The following HS3ST5 variants were observed in gnomAD, a reference collection of about 807,000 sequenced individuals.
HS3ST5 encodes the protein heparan sulfate glucosamine 3-O-sulfotransferase 5.
Under a neutral mutation model 25.4 loss-of-function variants are expected in HS3ST5, and 10 were observed. The observed-to-expected ratio is 0.39, with a 90% CI of 0.24 to 0.67. The LOEUF (loss-of-function observed/expected upper bound fraction) is 0.67. HS3ST5 is among the 30% of genes least tolerant of loss of function. The pLI is 0.44. For missense variants in HS3ST5, 324 were observed against 420.7 expected, an observed-to-expected ratio of 0.77 and a Z score of 2.01; for synonymous variants, 170 against 162.4, an observed-to-expected ratio of 1.05 and a Z score of -0.36.
chr6:114,118,197 A>G (rs192468019), intron 3 of HS3ST5, among the ~76,000 whole-genome samples: 1 of 152,292 alleles, frequency 6.6e-6, no homozygotes, highest in Admixed American at 6.5e-5. Flanking sequence ...TTGAGGTACC[A>G]TTGAGATTCT....
intron 3 of HS3ST5, among the ~76,000 whole-genome samples, chr6:114,160,930 T>C (rs1177873758): frequency 2.0e-5 from 3 of 152,174 alleles, no homozygotes; most frequent in African/African-American, 2.4e-5. Flanking sequence ...CTGGAATAAA[T>C]TGTAATAACC....
At chr6:114,063,239 G>T (rs1249922430) in intron 3 of HS3ST5, among the ~76,000 whole-genome samples, 5 of 152,136 alleles carry the variant, frequency 3.3e-5, no homozygotes, top group Non-Finnish European at 7.4e-5. Flanking sequence ...ACTTGGCCGG[G>T]TACGGTGGCT....
chr6:114,140,251 G>C (rs1777835514), intron 3 of HS3ST5, among the ~76,000 whole-genome samples: 1 of 152,144 alleles, frequency 6.6e-6, no homozygotes, highest in Non-Finnish European at 1.5e-5. Flanking sequence ...TATTAGACTA[G>C]AATTTCATAA....
chr6:114,272,965 T>C (rs1773697887), intron 1 of HS3ST5, among the ~76,000 whole-genome samples: 1 of 152,064 alleles, frequency 6.6e-6, no homozygotes, highest in African/African-American at 2.4e-5. Context: ...GCCTTGCAAG[T>C]CACAGCCAGG....
intron 1 of HS3ST5, among the ~76,000 whole-genome samples, chr6:114,333,445 C>T (rs1202327982): frequency 1.3e-5 from 2 of 152,092 alleles, no homozygotes; most frequent in Non-Finnish European, 2.9e-5. Flanking sequence ...TGGTAGTATA[C>T]AGTTGGAAGC....
At chr6:114,253,978 T>C (rs1281026728) in intron 1 of HS3ST5, among the ~76,000 whole-genome samples, 2 of 151,734 alleles carry the variant, frequency 1.3e-5, no homozygotes, top group East Asian at 1.9e-4. Context: ...AGGAAGAGAA[T>C]GTGGAGGTGT....
intron 1 of HS3ST5, among the ~76,000 whole-genome samples, chr6:114,327,754 A>G (rs1414159105): frequency 6.6e-6 from 1 of 152,170 alleles, no homozygotes; most frequent in Non-Finnish European, 1.5e-5. Context: ...GACTGGTTCT[A>G]CTGATAATGT....
intron 3 of HS3ST5, among the ~76,000 whole-genome samples, chr6:114,074,236 A>G (rs936051611): frequency 1.3e-5 from 2 of 152,030 alleles, no homozygotes; most frequent in African/African-American, 4.8e-5. Context: ...TGGCACATGT[A>G]TACCTATGTA....
At chr6:114,336,116 A>G (rs1338564049) in intron 1 of HS3ST5, among the ~76,000 whole-genome samples, 1 of 152,218 alleles carries the variant, frequency 6.6e-6, no homozygotes, top group African/African-American at 2.4e-5. Context: ...AAATACACAT[A>G]ATGAGCATGT....
chr6:114,176,087 C>T (rs954208904), intron 2 of HS3ST5, among the ~76,000 whole-genome samples: 2 of 152,174 alleles, frequency 1.3e-5, no homozygotes, highest in African/African-American at 4.8e-5. Context: ...AATTAAAGCA[C>T]AGTGTATAGT....
At position 114,165,952 on chromosome 6, in the gene HS3ST5, G is replaced by A. The variant is rs1323812851; in HGVS notation, c.-33+2399C>T. On this transcript the variant is annotated intron_variant, in intron 3 of 4. Coordinates refer to ENST00000312719, the MANE Select transcript of HS3ST5 (RefSeq NM_153612.4). ...ATCCAGCTACTTGGGAGGCTGACGC[G>A]GGAGGATCCCTTGAGGACAGGAGTT... 5.3e-5 allele frequency among the ~76,000 whole-genome samples: 8 copies of A among 151,946 alleles called. No individual in the cohort carries two copies. In the East Asian group the frequency reaches 7.7e-4, roughly 15 times the overall value.
chr6:114,295,115 G>A (rs1774759455), intron 1 of HS3ST5, among the ~76,000 whole-genome samples: 1 of 152,148 alleles, frequency 6.6e-6, no homozygotes, highest in Admixed American at 6.5e-5. Context: ...TATTCTGAGA[G>A]AGTGTGTGCC....
intron 2 of HS3ST5, among the ~76,000 whole-genome samples, chr6:114,186,880 T>C (rs1188208210): frequency 1.3e-5 from 2 of 152,196 alleles, no homozygotes; most frequent in African/African-American, 4.8e-5. Context: ...CCAATGTCCA[T>C]TTACTATTCT....
intron 3 of HS3ST5, among the ~76,000 whole-genome samples, chr6:114,140,681 C>A: frequency 6.6e-6 from 1 of 152,104 alleles, no homozygotes. Flanking sequence ...CAGAAGAGCA[C>A]GCTGGGCAGA....
intron 1 of HS3ST5, among the ~76,000 whole-genome samples, chr6:114,261,658 T>C (rs1769830968): frequency 6.6e-6 from 1 of 152,196 alleles, no homozygotes; most frequent in Non-Finnish European, 1.5e-5. Flanking sequence ...TTTCCCCAAA[T>C]CCATTTACAG....
rs542643269 is a variant in HS3ST5 at position 114,057,735 on chromosome 6, C to G, written c.563G>C (p.Arg188Thr). 1.2e-6 allele frequency: 2 copies of G among 1,614,134 alleles called. No homozygotes were observed. The highest frequency in any genetic ancestry group is 1.3e-5 in the African/African-American group (1 of 75,024). The part of the protein sequence containing the change: ...LLIIVREPTT[R>T]AISDYTQVLE... ...CACCTGAGTATAATCAGAAATAGCTCTTGTGGTTGGCTCCCTGACAATGAT... is the reference window on the plus strand; with the variant it reads ...CACCTGAGTATAATCAGAAATAGCTGTTGTGGTTGGCTCCCTGACAATGAT... The change falls in exon 5 of 5, where the codon AGA becomes ACA. Residue 188 changes from arginine (R) to threonine (T), a missense_variant. This residue lies in a region of HS3ST5 where 203 missense variants were observed against 303.4 expected (regional missense o/e 0.67). Transcript: ENST00000312719.
At position 114,058,203 on chromosome 6, in the gene HS3ST5, C is replaced by A. The variant is rs777686831; in HGVS notation, c.108-13G>T. On this transcript the variant is annotated splice_polypyrimidine_tract_variant and intron_variant, in intron 4 of 4. Coordinates refer to ENST00000312719, the MANE Select transcript of HS3ST5 (RefSeq NM_153612.4). ...AATGGGTTGTAGCCTGCAAGCAAGA[C>A]AGAGACACTTTAAGCTCATTGCAAC... 1 of 1,582,450 alleles carries A rather than the reference C, an allele frequency of 6.3e-7. No homozygotes were observed. The highest frequency in any genetic ancestry group is 1.3e-5 in the African/African-American group (1 of 74,474).
chr6:114,313,414 A>G (rs568478499), intron 1 of HS3ST5, among the ~76,000 whole-genome samples: 5 of 152,358 alleles, frequency 3.3e-5, no homozygotes, highest in African/African-American at 1.2e-4. Context: ...TGTTTATAAT[A>G]GCCCTAAACT....
chr6:114,203,588 A>T (rs1038034484), intron 2 of HS3ST5, among the ~76,000 whole-genome samples: 3 of 152,202 alleles, frequency 2.0e-5, no homozygotes, highest in Non-Finnish European at 4.4e-5. Context: ...TTCTGATGAC[A>T]GCCCAAATGC....
Sources: allele counts gnomAD v4.1 joint callset (sites outside exome capture counted in the v4.1 genomes callset), GRCh38; gene constraint gnomAD v4.1.1; regional missense constraint gnomAD v4.1.1; transcripts MANE v1.5; gene names NCBI Gene and HGNC (gene_info 2026-07-23, HGNC 2026-07-21).